ZDHHC13: variants seen among roughly 807,000 people sequenced by gnomAD.
ZDHHC13 encodes the protein zDHHC palmitoyltransferase 13.
A neutral mutation model predicts 86.0 loss-of-function variants in ZDHHC13; 85 were observed. The ratio of observed to expected loss-of-function variants is 0.99; its 90% CI spans 0.83 to 1.18. The LOEUF (loss-of-function observed/expected upper bound fraction) is 1.18, where lower values mean the gene tolerates loss of function less well. ZDHHC13 is among the 50% of genes most tolerant of loss of function. The pLI, the probability that ZDHHC13 is intolerant of heterozygous loss-of-function variation, is 0.00. For synonymous variants in ZDHHC13, 263 were observed against 246.4 expected (o/e 1.07, Z -0.63); for missense variants, 711 against 730.2 (o/e 0.97, Z 0.30).
intron 5 of ZDHHC13, among the ~76,000 whole-genome samples, chr11:19,150,045 G>A (rs1047636088): frequency 6.6e-6 from 1 of 152,134 alleles, no homozygotes; most frequent in Non-Finnish European, 1.5e-5. Flanking sequence ...GAAGAGTCCT[G>A]TCTGCTTCTC....
chr11:19,164,798 T>A (rs1475496044), intron 12 of ZDHHC13: 1 of 485,758 alleles, frequency 2.1e-6, no homozygotes, highest in African/African-American at 2.0e-5. Flanking sequence ...TATTTTGCTC[T>A]GTGGTACTGC....
chr11:19,149,525 G>A (rs1344383458), intron 5 of ZDHHC13, among the ~76,000 whole-genome samples, 194 bp downstream of exon 5: 1 of 152,178 alleles, frequency 6.6e-6, no homozygotes, highest in Non-Finnish European at 1.5e-5. Context: ...AGGTCATTTA[G>A]CTCAGTAACG....
intron 7 of ZDHHC13, 60 bp from the exon 8 acceptor site, chr11:19,152,499 G>A (rs1849639878): frequency 6.7e-7 from 1 of 1,495,018 alleles, no homozygotes; most frequent in Admixed American, 2.6e-5. Context: ...TTTAAAAAAA[G>A]TTTAGCACTC....
chr11:19,141,439 A>T (rs1849317178), intron 1 of ZDHHC13, among the ~76,000 whole-genome samples: 1 of 152,080 alleles, frequency 6.6e-6, no homozygotes, highest in African/African-American at 2.4e-5. Flanking sequence ...AGGGGTATTA[A>T]AGTGATTTAG....
At chr11:19,162,190 G>A (rs1481868766) in intron 10 of ZDHHC13, among the ~76,000 whole-genome samples, 1 of 152,126 alleles carries the variant, frequency 6.6e-6, no homozygotes, top group Non-Finnish European at 1.5e-5. Flanking sequence ...GAGGGGATAA[G>A]CTTATGTAGG....
chr11:19,168,755 T>G (rs1002383470), intron 14 of ZDHHC13: 1 of 970,846 alleles, frequency 1.0e-6, no homozygotes, highest in African/African-American at 1.8e-5. Context: ...CCCTGCTCTA[T>G]ACTCTCCTTC....
Position 19,117,257 on chromosome 11 carries a change from G to A in ZDHHC13, c.8G>A (p.Gly3Glu), listed in dbSNP as rs748893413. ...CTGTGGGCTCCTGGGGAGATGGAGG[G>A]GCCGGGGCTGGGCTCGCAGGTGAGT... ME[G>E]PGLGSQCRNH... Residue 3 changes from glycine to glutamate, a missense_variant, in exon 1 of 17, where the codon GGG becomes GAG. Physicochemically the swap from Gly to Glu is moderately conservative, Grantham distance 98. Coordinates refer to ENST00000446113, the MANE Select transcript of ZDHHC13 (RefSeq NM_019028.3). This position sits in a 1 kb window ranked among gnomAD's most constrained non-coding sequence, Gnocchi z 4.2. 6.6e-7 allele frequency: 1 copy of A among 1,506,368 alleles called. No individual in the cohort carries two copies. Among genetic ancestry groups the A allele is most frequent in the Non-Finnish European group, 8.9e-7 (1 of 1,128,210 alleles). The allele number at this position is 1,506,368 out of a possible 1,614,324, so 93.3% of individuals were successfully genotyped here.
chr11:19,174,569 T>C (rs1167293572), intron 16 of ZDHHC13, among the ~76,000 whole-genome samples: 1 of 152,216 alleles, frequency 6.6e-6, no homozygotes, highest in Non-Finnish European at 1.5e-5. Context: ...TTTTGTTGTG[T>C]GTAAGGGATT....
At chr11:19,149,160 G>T (rs751753816) in intron 4 of ZDHHC13, 27 bp from the exon 5 acceptor site, 3 of 1,499,468 alleles carry the variant, frequency 2.0e-6, no homozygotes, top group Non-Finnish European at 2.7e-6. Flanking sequence ...GCATGCTACA[G>T]AATGGCTTTT....
chr11:19,152,793 A>AT, intron 8 of ZDHHC13, 109 bp downstream of exon 8: 1 of 1,523,874 alleles, frequency 6.6e-7, no homozygotes, highest in Non-Finnish European at 9.0e-7. Flanking sequence ...TTGCTGCATT[A>AT]TATCTGCTGA....
At chr11:19,165,842 G>A (rs1416132360) in intron 13 of ZDHHC13, among the ~76,000 whole-genome samples, 1 of 152,180 alleles carries the variant, frequency 6.6e-6, no homozygotes, top group Non-Finnish European at 1.5e-5. Flanking sequence ...AATCCCGCCT[G>A]GTTCCCTTAC....
chr11:19,150,745 G>A lies in ZDHHC13; in HGVS notation c.538G>A (p.Val180Ile), dbSNP rs1190742871. 1.2e-6 allele frequency: 2 copies of A among 1,610,614 alleles called. No homozygotes were observed. Among genetic ancestry groups the A allele is most frequent in the East Asian group, 2.2e-5 (1 of 44,722 alleles). The change falls in exon 6 of 17, where the codon GTA (valine) becomes ATA (isoleucine). Residue 180 changes from valine to isoleucine, a missense_variant. Val to Ile is a conservative substitution (Grantham distance 29). Transcript: ENST00000446113. ...SKGQSVNMTDVNGQTPLMLSA... is the reference protein window; with the variant it reads ...SKGQSVNMTDINGQTPLMLSA... ...TGAATAGAGTGTGAATATGACAGAT[G>A]TAAATGGGCAGACACCTCTCATGTT...
rs1590085169 is a variant in ZDHHC13 at position 19,159,048 on chromosome 11, T to C, written c.1108+8T>C. ...TCATCTTATTTTTTCCTGATATCCT[T>C]TAAGCATCAATTTTGATGTGTATCT... On this transcript the variant is annotated splice_region_variant and intron_variant, in intron 10 of 16. Transcript: ENST00000446113. 3 of 1,526,082 alleles carry C rather than the reference T, an allele frequency of 2.0e-6. No individual in the cohort carries two copies. Among genetic ancestry groups the C allele is most frequent in the East Asian group, 4.9e-5 (2 of 40,638 alleles). 94.5% of individuals were successfully genotyped at this position (1,526,082 alleles called of 1,614,324 possible). A position where few individuals can be genotyped will look rare whatever the true frequency, so the allele number is the denominator to read the frequency against.
chr11:19,164,382 T>C lies in ZDHHC13; in HGVS notation c.1296+19T>C. On this transcript the variant is annotated intron_variant, in intron 12 of 16. Transcript: ENST00000446113. Reference sequence around the variant, plus strand: ...ATGTCTTGTGAGTTTTTTCATATAATTTTTTTCCGTAGTGAAAGCAAAGTC... The same window carrying C: ...ATGTCTTGTGAGTTTTTTCATATAACTTTTTTCCGTAGTGAAAGCAAAGTC... 6.2e-7 allele frequency: 1 copy of C among 1,608,268 alleles called. No homozygotes were observed. The highest frequency in any genetic ancestry group is 1.1e-5 in the South Asian group (1 of 90,210).
At chr11:19,136,036 G>A (rs901812450) in intron 1 of ZDHHC13, among the ~76,000 whole-genome samples, 22 of 152,316 alleles carry the variant, frequency 1.4e-4, no homozygotes, top group South Asian at 6.2e-4. Flanking sequence ...CCAAAGGAAC[G>A]CAGTTCCTCA....
chr11:19,170,709 C>A, intron 15 of ZDHHC13, 141 bp downstream of exon 15: 2 of 824,408 alleles, frequency 2.4e-6, no homozygotes, highest in Non-Finnish European at 3.6e-6. Context: ...TGTCATTTAA[C>A]CACACTTGAA....
Position 19,150,725 on chromosome 11 carries a change from A to G in ZDHHC13, c.520-2A>G. 2.5e-6 allele frequency: 4 copies of G among 1,601,466 alleles called. No individual in the cohort carries two copies. Among genetic ancestry groups the G allele is most frequent in the Non-Finnish European group, 3.4e-6 (4 of 1,171,188 alleles). Reference sequence around the variant, plus strand: ...TATGCTAATTGTCTTCTTTTTGAATAGAGTGTGAATATGACAGATGTAAAT... The same window carrying G: ...TATGCTAATTGTCTTCTTTTTGAATGGAGTGTGAATATGACAGATGTAAAT... On this transcript the variant is annotated splice_acceptor_variant, in intron 5 of 16. Transcript: ENST00000446113. LOFTEE classifies it high-confidence loss of function.
At chr11:19,146,511 A>T (rs1849472178) in intron 3 of ZDHHC13, among the ~76,000 whole-genome samples, 1 of 152,234 alleles carries the variant, frequency 6.6e-6, no homozygotes, top group Non-Finnish European at 1.5e-5. Context: ...AAAATTAGAG[A>T]TAAAGCCAAG....
At position 19,143,050 on chromosome 11, in the gene ZDHHC13, G is replaced by T. The variant is rs773327835; in HGVS notation, c.100G>T (p.Glu34Ter). The T allele has an allele frequency of 1.1e-5, 18 of 1,612,942 alleles. No homozygotes were observed. Among genetic ancestry groups the T allele is most frequent in the African/African-American group, 5.3e-5 (4 of 74,876 alleles). The change falls in exon 2 of 17, where the codon GAA becomes TAA. Residue 34 changes from glutamate to a stop codon, truncating the protein, a stop_gained. Coordinates refer to ENST00000446113, the MANE Select transcript of ZDHHC13 (RefSeq NM_019028.3). LOFTEE classifies it high-confidence loss of function. ...TGGCATCTGTGCACATGAAAACAAA[G>T]AACTTGCCAATGCAAGAGAAGCTCT... ...RYGICAHENK[E>*]LANAREALPL... is the part of the protein sequence containing the mutation.
Sources: allele counts gnomAD v4.1 joint callset (sites outside exome capture counted in the v4.1 genomes callset), GRCh38; gene constraint gnomAD v4.1.1; non-coding constraint Gnocchi (gnomAD v3.1); transcripts MANE v1.5; gene names NCBI Gene and HGNC (gene_info 2026-07-23, HGNC 2026-07-21).